The following PRRC2C variants were observed in gnomAD, a reference collection of about 807,000 sequenced individuals.
The protein encoded by PRRC2C is protein PRRC2C.
In PRRC2C, 72 loss-of-function variants were observed where a neutral mutation model predicts 317.2. The ratio of observed to expected loss-of-function variants is 0.23; its 90% confidence interval spans 0.19 to 0.28. The LOEUF (loss-of-function observed/expected upper bound fraction) is 0.28. PRRC2C is among the 10% of genes least tolerant of loss of function. The probability of loss-of-function intolerance (pLI) is 1.00; values close to 1 mark genes in which losing one functional copy is unlikely to be tolerated. For missense variants in PRRC2C, 3,074 were observed against 3,459.7 expected, an observed-to-expected ratio of 0.89 and a Z score of 2.80; for synonymous variants, 1,296 against 1,205.9, an observed-to-expected ratio of 1.07 and a Z score of -1.55.
intron 1 of PRRC2C, among the ~76,000 whole-genome samples, chr1:171,496,983 G>T (rs368788196): frequency 6.6e-6 from 1 of 151,878 alleles, no homozygotes; most frequent in Non-Finnish European, 1.5e-5. Context: ...TAGAGACAAG[G>T]TCTCTCCATG....
At chr1:171,560,926 T>G in intron 19 of PRRC2C, 92 bp from the exon 20 acceptor site, 1 of 986,626 alleles carries the variant, frequency 1.0e-6, no homozygotes, top group Non-Finnish European at 1.6e-6. Flanking sequence ...TAGTAATAGC[T>G]ACACAGTAGG....
In PRRC2C at chr1:171,542,132, C is replaced by T; in HGVS notation, c.4666C>T (p.Arg1556Ter). ...SSQRPVDRQN[R>*]RGNNGPPKSG... ...TCAGAGACCAGTAGATCGTCAGAAT[C>T]GACGTGGCAACAATGGTCCACCCAA... is the stretch of plus-strand genomic sequence containing the variant. Residue 1556 changes from arginine (R) to a stop codon, truncating the protein, a stop_gained, in exon 16 of 35, where the codon CGA (arginine) becomes TGA (stop). Transcript: ENST00000647382. LOFTEE classifies it high-confidence loss of function. 1 of 1,612,888 alleles carries T rather than the reference C, an allele frequency of 6.2e-7. No homozygotes were observed.
At chr1:171,558,379 G>GA (rs552135213) in intron 19 of PRRC2C, among the ~76,000 whole-genome samples, 745 of 16,372 alleles carry the variant, frequency 0.046, 4 homozygotes, top group Middle Eastern at 0.2. Context: ...GGCAATGTTT[G>GA]GGGGGGTCTT....
chr1:171,577,868 C>A (rs1190585326), intron 26 of PRRC2C, among the ~76,000 whole-genome samples: 1 of 149,002 alleles, frequency 6.7e-6, no homozygotes, highest in East Asian at 2.0e-4. Context: ...ACCTCCACCT[C>A]CCAGGTTCAA....
chr1:171,569,745 A>C (rs896898678), intron 23 of PRRC2C, among the ~76,000 whole-genome samples: 10 of 151,238 alleles, frequency 6.6e-5, no homozygotes, highest in African/African-American at 2.4e-4. Flanking sequence ...AATAAAGTTT[A>C]ATTATACTTT....
In PRRC2C at chr1:171,537,481, A is replaced by G; in HGVS notation, c.2504+8A>G. The G allele has an allele frequency of 6.5e-7, 1 of 1,547,742 alleles. No homozygotes were observed. Among genetic ancestry groups the G allele is most frequent in the Non-Finnish European group, 8.8e-7 (1 of 1,142,512 alleles). On this transcript the variant is annotated splice_region_variant and intron_variant, in intron 15 of 34. Transcript: ENST00000647382. Reference sequence around the variant, plus strand: ...AGAGCCTGAGGATGTAAGGTAATAAATTATTTCAATTTAATAGATGATACA... The same window carrying G: ...AGAGCCTGAGGATGTAAGGTAATAAGTTATTTCAATTTAATAGATGATACA...
chr1:171,537,378 T>G lies in PRRC2C; in HGVS notation c.2409T>G (p.Ser803=). The change falls in exon 15 of 35, where the codon TCT becomes TCG. Residue 803 remains serine, a synonymous_variant. Coordinates refer to ENST00000647382, the MANE Select transcript of PRRC2C (RefSeq NM_001387844.1). ...CAAGAGATCACGCAATTTCCCTTTC[T>G]GAGCCTCGTATGCTGTGGGGGTCAG... is the stretch of plus-strand genomic sequence containing the variant. The part of the protein sequence containing the change: ...RSARDHAISL[S]EPRMLWGSDP... 6.3e-7 allele frequency: 1 copy of G among 1,589,772 alleles called. No homozygotes were observed. The highest frequency in any genetic ancestry group is 8.6e-7 in the Non-Finnish European group (1 of 1,167,246).
intron 22 of PRRC2C, 31 bp downstream of exon 22, chr1:171,566,874 C>T (rs976274966): frequency 6.4e-7 from 1 of 1,572,736 alleles, no homozygotes; most frequent in Non-Finnish European, 8.6e-7. Context: ...ACCAGTTCAA[C>T]AGATGCAAGC....
At chr1:171,579,990 T>C (rs1427121009) in intron 28 of PRRC2C, 26 bp downstream of exon 28, 1 of 1,466,298 alleles carries the variant, frequency 6.8e-7, no homozygotes, top group East Asian at 2.4e-5. Flanking sequence ...GTTATGTTTG[T>C]AATGATGTTG....
intron 3 of PRRC2C, 37 bp from the exon 4 acceptor site, chr1:171,514,499 C>G (rs1398250750): frequency 2.1e-6 from 3 of 1,420,398 alleles, no homozygotes; most frequent in Non-Finnish European, 2.9e-6. Flanking sequence ...TTTAAACATA[C>G]AGTATCTGAA....
chr1:171,512,417 T>G (rs1557885771), intron 2 of PRRC2C: 14 of 414,042 alleles, frequency 3.4e-5, no homozygotes, highest in South Asian at 2.9e-4. Flanking sequence ...ATATTTTTGT[T>G]TTTCTCTGTT....
intron 24 of PRRC2C, among the ~76,000 whole-genome samples, chr1:171,573,386 A>T (rs1685108651): frequency 6.6e-6 from 1 of 152,210 alleles, no homozygotes. Context: ...CATAAAAGAC[A>T]TTGTACTCTG....
In PRRC2C at chr1:171,516,185, C is replaced by T. The variant is rs1672324776; in HGVS notation, c.526+326C>T. 2.0e-5 allele frequency among the ~76,000 whole-genome samples: 3 copies of T among 152,136 alleles called. No homozygotes were observed. The South Asian group carries it at 6.2e-4, about 32-fold the overall frequency. On this transcript the variant is annotated intron_variant, in intron 5 of 34. Coordinates refer to ENST00000647382, the MANE Select transcript of PRRC2C (RefSeq NM_001387844.1). ...TTGAGCAGGCTTCCCTAATGTGTAA[C>T]TATTTACTTACTACTGTATTAATAT...
intron 4 of PRRC2C, 87 bp from the exon 5 acceptor site, chr1:171,515,647 G>C (rs1340150218): frequency 9.0e-7 from 1 of 1,110,812 alleles, no homozygotes; most frequent in East Asian, 2.6e-5. Flanking sequence ...TTAAGAGAAA[G>C]AGGCAGAGAG....
chr1:171,491,156 T>C (rs1003650833), intron 1 of PRRC2C, among the ~76,000 whole-genome samples: 1 of 152,124 alleles, frequency 6.6e-6, no homozygotes, highest in Non-Finnish European at 1.5e-5. Context: ...CCCTATAAGG[T>C]TGGAAGATCC....
Position 171,566,434 on chromosome 1 carries a change from T to C in PRRC2C, c.6306+13T>C, listed in dbSNP as rs2038041. ...CAAAGCCCAGAAGGTAAATATACTT[T>C]ATAATCCAGATAAAATTTTATGAAG... On this transcript the variant is annotated intron_variant, in intron 21 of 34. Coordinates refer to ENST00000647382, the MANE Select transcript of PRRC2C (RefSeq NM_001387844.1). 209,576 of 1,541,782 alleles carry C rather than the reference T, an allele frequency of 0.14. 14,737 individuals carry two copies. Among genetic ancestry groups the C allele is most frequent in the East Asian group, 0.2 (8,189 of 41,352 alleles).
At chr1:171,504,728 G>A (rs760183871) in intron 1 of PRRC2C, among the ~76,000 whole-genome samples, 6 of 152,100 alleles carry the variant, frequency 3.9e-5, no homozygotes, top group African/African-American at 7.2e-5. Flanking sequence ...CAAAGCTGGC[G>A]GGGTGGAGGG....
At chr1:171,557,179 T>C (rs147919441) in intron 18 of PRRC2C, 61 bp from the exon 19 acceptor site, 8 of 1,472,860 alleles carry the variant, frequency 5.4e-6, no homozygotes, top group Non-Finnish European at 7.2e-6. Context: ...AAAAGTTGCA[T>C]TTATGAACTG....
intron 1 of PRRC2C, among the ~76,000 whole-genome samples, chr1:171,498,667 C>G (rs1008068628): frequency 1.3e-5 from 2 of 152,230 alleles, no homozygotes; most frequent in African/African-American, 2.4e-5. Context: ...TGGTGCAACT[C>G]TAATCTCTGA....
Sources: allele counts gnomAD v4.1 joint callset (sites outside exome capture counted in the v4.1 genomes callset), GRCh38; gene constraint gnomAD v4.1.1; transcripts MANE v1.5; gene names NCBI Gene and HGNC (gene_info 2026-07-23, HGNC 2026-07-21).